Variants in EPC1 observed in about 807,000 individuals in gnomAD.
EPC1 encodes the protein enhancer of polycomb homolog 1.
Under a neutral mutation model 98.4 loss-of-function variants are expected in EPC1, and 12 were observed. That is an observed-to-expected ratio of 0.12 (90% CI 0.08 to 0.20). The LOEUF (loss-of-function observed/expected upper bound fraction) is 0.20, where lower values mean the gene tolerates loss of function less well. Ranked by LOEUF, EPC1 falls within the 10% of genes least tolerant of loss-of-function variation. The probability of loss-of-function intolerance (pLI) is 1.00; values close to 1 mark genes in which losing one functional copy is unlikely to be tolerated. For missense variants in EPC1, 729 were observed against 990.5 expected (o/e 0.74, Z 3.54); for synonymous variants, 357 against 363.9 (o/e 0.98, Z 0.21).
At chr10:32,343,634 GTAC>G (rs944803059) in intron 1 of EPC1, among the ~76,000 whole-genome samples, 3 of 147,546 alleles carry the variant, frequency 2.0e-5, no homozygotes, top group African/African-American at 5.0e-5. Context: ...TACTTTTTCA[GTAC>G]TACTACAATT....
chr10:32,378,083 A>G (rs536955093), intron 1 of EPC1, among the ~76,000 whole-genome samples: 2 of 152,322 alleles, frequency 1.3e-5, no homozygotes, highest in South Asian at 4.1e-4. Flanking sequence ...CAAGAGAACC[A>G]CAATAGGTCC....
intron 1 of EPC1, among the ~76,000 whole-genome samples, chr10:32,327,577 T>C (rs1392740718): frequency 3.3e-5 from 5 of 152,128 alleles, no homozygotes; most frequent in Non-Finnish European, 5.9e-5. Flanking sequence ...AGCCAAGTGT[T>C]GCTTAATAAT....
At chr10:32,358,220 CAA>C (rs1377095043) in intron 1 of EPC1, among the ~76,000 whole-genome samples, 13 of 152,130 alleles carry the variant, frequency 8.5e-5, no homozygotes, top group African/African-American at 3.1e-4. Context: ...TATTATTTGA[CAA>C]AGATACTTAT....
chr10:32,277,874 ACT>A (rs1247375334), intron 10 of EPC1, among the ~76,000 whole-genome samples: 3 of 151,210 alleles, frequency 2.0e-5, no homozygotes, highest in Non-Finnish European at 4.4e-5. Flanking sequence ...CCGGCCTAAG[ACT>A]CTCTGAGTCC....
At chr10:32,344,922 G>A (rs1838656308) in intron 1 of EPC1, among the ~76,000 whole-genome samples, 2 of 152,194 alleles carry the variant, frequency 1.3e-5, no homozygotes, top group Non-Finnish European at 2.9e-5. Flanking sequence ...AGTATTCACA[G>A]AAGCAAGACT....
intron 1 of EPC1, among the ~76,000 whole-genome samples, chr10:32,332,568 GGTA>G (rs1454201084): frequency 6.6e-6 from 1 of 152,178 alleles, no homozygotes; most frequent in African/African-American, 2.4e-5. Flanking sequence ...AAGACACACA[GGTA>G]GTAGAGAGAA....
In EPC1 at chr10:32,286,966, G is replaced by T. The variant is rs753512091; in HGVS notation, c.1202C>A (p.Pro401His). Residue 401 changes from proline to histidine, a missense_variant, in exon 8 of 14, where the codon CCT (proline) becomes CAT (histidine). By Grantham distance (77) the Pro-to-His change is moderately conservative. Coordinates refer to ENST00000319778, the MANE Select transcript of EPC1 (RefSeq NM_001272004.3). ...EAEEDNDPDG[P>H]FAFRRKAGCQ... ...GCCTGCTTTCCTACGGAAAGCAAAA[G>T]GACCATCAGGATCATTGTCTTCCTC... The T allele has an allele frequency of 1.2e-6, 2 of 1,613,956 alleles. No individual in the cohort carries two copies. Among genetic ancestry groups the T allele is most frequent in the Middle Eastern group, 1.7e-4 (1 of 6,056 alleles).
At chr10:32,313,919 AAGAGGGAAT>A (rs1836404154) in intron 1 of EPC1, among the ~76,000 whole-genome samples, 1 of 152,024 alleles carries the variant, frequency 6.6e-6, no homozygotes, top group East Asian at 1.9e-4. Flanking sequence ...ATAAAAAGAG[AAGAGGGAAT>A]AGAGGGAATA....
intron 1 of EPC1, among the ~76,000 whole-genome samples, chr10:32,362,010 C>T (rs568924245): frequency 6.6e-6 from 1 of 152,322 alleles, no homozygotes; most frequent in East Asian, 1.9e-4. Flanking sequence ...ATGGCAACAT[C>T]AGGAAGTTAC....
chr10:32,301,100 A>G lies in EPC1; in HGVS notation c.313+4672T>C, dbSNP rs1018133642. Among the ~76,000 whole-genome samples the G allele has an allele frequency of 7.9e-5, 12 of 151,334 alleles. No homozygotes were observed. In the Middle Eastern group the frequency reaches 0.01, roughly 131 times the overall value. ...TATCTATCTATCTATCTGCCTGCCT[A>G]CCTACCTACGTACCTACATGCCCAC... On this transcript the variant is annotated intron_variant, in intron 2 of 13. Coordinates refer to ENST00000319778, the MANE Select transcript of EPC1 (RefSeq NM_001272004.3).
chr10:32,372,749 C>T (rs1317133600), intron 1 of EPC1, among the ~76,000 whole-genome samples: 12 of 152,220 alleles, frequency 7.9e-5, no homozygotes, highest in East Asian at 5.8e-4. Flanking sequence ...AGGCCGGGCG[C>T]GGTGGCCCAT....
At chr10:32,275,599 T>C (rs1274943791) in intron 10 of EPC1, among the ~76,000 whole-genome samples, 5 of 72,136 alleles carry the variant, frequency 6.9e-5, no homozygotes, top group Non-Finnish European at 1.1e-4. Context: ...ACCCCATCTC[T>C]ACCAAAAAAA....
intron 1 of EPC1, among the ~76,000 whole-genome samples, chr10:32,333,360 C>T (rs970330659): frequency 2.6e-5 from 4 of 152,018 alleles, no homozygotes; most frequent in Non-Finnish European, 5.9e-5. Flanking sequence ...ACAAAAATCC[C>T]CCACAAAAAC....
At chr10:32,362,931 C>G (rs1324196877) in intron 1 of EPC1, among the ~76,000 whole-genome samples, 1 of 152,116 alleles carries the variant, frequency 6.6e-6, no homozygotes, top group Non-Finnish European at 1.5e-5. Flanking sequence ...AATTCACCTT[C>G]TTTACACCAT....
chr10:32,367,818 C>T (rs905276487), intron 1 of EPC1, among the ~76,000 whole-genome samples: 1 of 152,200 alleles, frequency 6.6e-6, no homozygotes, highest in Non-Finnish European at 1.5e-5. Flanking sequence ...TGTTAGCCAG[C>T]CTAACACAGT....
In EPC1 at chr10:32,368,078, A is replaced by T. The variant is rs567357302; in HGVS notation, c.3+10413T>A. Among the ~76,000 whole-genome samples, 5 of 152,314 alleles carry T rather than the reference A, an allele frequency of 3.3e-5. No individual in the cohort carries two copies. In the East Asian group the frequency reaches 9.6e-4, roughly 29 times the overall value. On this transcript the variant is annotated intron_variant, in intron 1 of 13. Transcript: ENST00000375110. ...CTTTTCTACTTCTCTTTACTCCGCC[A>T]TCAAAACTTACCTGGCAAGAGACCC...
At chr10:32,286,544 A>G in intron 9 of EPC1, 150 bp downstream of exon 9, 1 of 937,728 alleles carries the variant, frequency 1.1e-6, no homozygotes, top group African/African-American at 1.7e-5. Flanking sequence ...CAGGCAGCAC[A>G]GCAACAAAAA....
At chr10:32,318,437 C>T (rs892895328) in intron 1 of EPC1, among the ~76,000 whole-genome samples, 1 of 152,208 alleles carries the variant, frequency 6.6e-6, no homozygotes, top group African/African-American at 2.4e-5. Context: ...TATACGCACC[C>T]TTGCAATTTC....
At chr10:32,364,907 ATTTTT>A (rs5784286) in intron 1 of EPC1, among the ~76,000 whole-genome samples, 31 of 139,816 alleles carry the variant, frequency 2.2e-4, no homozygotes, top group Admixed American at 3.6e-4. Context: ...TTTTTTCATG[ATTTTT>A]TTTTTTTTTT....
Sources: gnomAD v4.1 joint callset for allele counts (sites outside exome capture counted in the v4.1 genomes callset) on GRCh38, gnomAD v4.1.1 for gene constraint, MANE v1.5 for transcripts, NCBI Gene and HGNC (gene_info 2026-07-23, HGNC 2026-07-21) for gene names.